Variants in KPNA7 observed in about 807,000 individuals in gnomAD.
KPNA7 encodes the protein karyopherin subunit alpha 7.
KPNA7 carries 54 observed loss-of-function variants against 53.7 expected under a neutral mutation model. The observed-to-expected ratio is 1.01, with a 90% CI of 0.81 to 1.26. KPNA7 has a LOEUF of 1.26. Ranked by LOEUF, KPNA7 falls within the 50% of genes most tolerant of loss-of-function variation. The probability of loss-of-function intolerance (pLI) is 0.00; values close to 1 mark genes in which losing one functional copy is unlikely to be tolerated. For synonymous variants in KPNA7, 276 were observed against 259.3 expected (o/e 1.06, Z -0.62); for missense variants, 640 against 644.5 (o/e 0.99, Z 0.07).
chr7:99,207,613 C>CCT (rs1790883642), intron 1 of KPNA7, 124 bp from the exon 2 acceptor site: 1 of 118,210 alleles, frequency 8.5e-6, no homozygotes, highest in African/African-American at 6.5e-5. Context: ...AGGAAGCTAG[C>CCT]TTTTTTTTTT....
rs772881468 is a variant in KPNA7 at position 99,192,986 on chromosome 7, A to T, written c.636+33T>A. ...AAGATTATTTTAAAATTTTAATTTA[A>T]AAAAAAAAAAAGAGAAAGAAAAAGA... On this transcript the variant is annotated intron_variant, in intron 6 of 10. Coordinates refer to ENST00000327442, the MANE Select transcript of KPNA7 (RefSeq NM_001145715.3). 1.2e-5 allele frequency: 14 copies of T among 1,155,952 alleles called. No homozygotes were observed. In the African/African-American group the frequency reaches 2.6e-4, roughly 21 times the overall value. 71.6% of individuals were successfully genotyped at this position (1,155,952 alleles called of 1,614,324 possible). A position where few individuals can be genotyped will look rare whatever the true frequency, so the allele number is the denominator to read the frequency against.
At chr7:99,199,065 G>GAAAAAAAA (rs67877761) in intron 3 of KPNA7, among the ~76,000 whole-genome samples, 37 of 61,024 alleles carry the variant, frequency 6.1e-4, no homozygotes, top group African/African-American at 8.1e-4. Flanking sequence ...GCTGCAAACT[G>GAAAAAAAA]AAAAAAAAAA....
At chr7:99,199,586 T>C (rs1330651771) in intron 3 of KPNA7, among the ~76,000 whole-genome samples, 1 of 152,164 alleles carries the variant, frequency 6.6e-6, no homozygotes, top group Non-Finnish European at 1.5e-5. Context: ...TTTACAAAAA[T>C]TAACTCCAAA....
chr7:99,213,836 T>C (rs1031112509), intron 1 of KPNA7, among the ~76,000 whole-genome samples: 6 of 152,090 alleles, frequency 3.9e-5, no homozygotes, highest in Admixed American at 3.9e-4. Flanking sequence ...CTTGAACTCC[T>C]GACCTCAAGT....
At chr7:99,195,378 G>A in intron 4 of KPNA7, 40 bp from the exon 5 acceptor site, 1 of 1,537,394 alleles carries the variant, frequency 6.5e-7, no homozygotes. Flanking sequence ...GGGAGGTCAA[G>A]TGAGAGAGGT....
chr7:99,204,848 C>T (rs1330068666), intron 2 of KPNA7, among the ~76,000 whole-genome samples: 11 of 151,824 alleles, frequency 7.2e-5, no homozygotes, highest in Middle Eastern at 3.4e-3. Context: ...AGAGCAAGAC[C>T]GTGTATCAAA....
chr7:99,174,086 C>T (rs928354380), intron 10 of KPNA7, among the ~76,000 whole-genome samples: 1 of 152,116 alleles, frequency 6.6e-6, no homozygotes, highest in Non-Finnish European at 1.5e-5. Flanking sequence ...AGCAGCAGGC[C>T]AGCAAGCGAA....
chr7:99,147,513 G>A, the KPNA7 span, among the ~76,000 whole-genome samples: 4 of 152,308 alleles, frequency 2.6e-5, no homozygotes, highest in African/African-American at 9.6e-5. Flanking sequence ...ATAAAAGTCC[G>A]GGCACAGTGG....
At chr7:99,198,326 G>A (rs1790333642) in intron 3 of KPNA7, among the ~76,000 whole-genome samples, 1 of 152,040 alleles carries the variant, frequency 6.6e-6, no homozygotes, top group Non-Finnish European at 1.5e-5. Flanking sequence ...GATATTACAA[G>A]AAAAGTATAA....
At chr7:99,183,994 CCCA>C (rs1221658813) in intron 8 of KPNA7, among the ~76,000 whole-genome samples, 7 of 151,554 alleles carry the variant, frequency 4.6e-5, no homozygotes, top group Admixed American at 4.6e-4. Context: ...ATTACAGGCA[CCCA>C]CCACCACACC....
chr7:99,185,081 T>C lies in KPNA7; in HGVS notation c.982A>G (p.Asn328Asp). 6.4e-7 allele frequency: 1 copy of C among 1,551,950 alleles called. No individual in the cohort carries two copies. The highest frequency in any genetic ancestry group is 8.7e-7 in the Non-Finnish European group (1 of 1,147,056). The change falls in exon 8 of 11, where the codon AAC becomes GAC. Residue 328 changes from asparagine (N) to aspartate (D), a missense_variant. By Grantham distance (23) the Asn-to-Asp change is conservative. Transcript: ENST00000327442. ...TGTTGCAGGAGCTGGGGGAGCACGTTCAGCATACCCGCATCAATGGCCATC... is the reference window on the plus strand; with the variant it reads ...TGTTGCAGGAGCTGGGGGAGCACGTCCAGCATACCCGCATCAATGGCCATC... ...TQMAIDAGMLNVLPQLLQHNK... is the reference protein window; with the variant it reads ...TQMAIDAGMLDVLPQLLQHNK...
chr7:99,190,188 T>G (rs1789860986), intron 6 of KPNA7, among the ~76,000 whole-genome samples: 1 of 151,834 alleles, frequency 6.6e-6, no homozygotes, highest in Non-Finnish European at 1.5e-5. Flanking sequence ...AACACAAAAA[T>G]TAGCCAGGCG....
the KPNA7 span, among the ~76,000 whole-genome samples, chr7:99,156,452 A>T: frequency 6.6e-6 from 1 of 151,978 alleles, no homozygotes; most frequent in Non-Finnish European, 1.5e-5. Flanking sequence ...CCAGGGATTG[A>T]TCTTTTATTT....
At chr7:99,215,042 A>C (rs1791179802) in intron 1 of KPNA7, among the ~76,000 whole-genome samples, 1 of 151,982 alleles carries the variant, frequency 6.6e-6, no homozygotes, top group South Asian at 2.1e-4. Flanking sequence ...GACCATTGCC[A>C]AGGGAACTGC....
chr7:99,179,854 G>A (rs989960105), intron 9 of KPNA7, among the ~76,000 whole-genome samples: 3 of 152,026 alleles, frequency 2.0e-5, no homozygotes, highest in African/African-American at 7.2e-5. Context: ...GATTACAGGT[G>A]TAAGCCACCA....
the KPNA7 span, among the ~76,000 whole-genome samples, chr7:99,157,774 T>A: frequency 6.6e-6 from 1 of 152,184 alleles, no homozygotes. Context: ...TTTTACACTC[T>A]AGATGTAACT....
chr7:99,205,369 G>A (rs1361505975), intron 2 of KPNA7, among the ~76,000 whole-genome samples: 13 of 130,624 alleles, frequency 1.0e-4, no homozygotes, highest in African/African-American at 3.6e-4. Flanking sequence ...CCAAGATCAC[G>A]CCATTGCACT....
At chr7:99,214,413 A>C (rs937784842) in intron 1 of KPNA7, among the ~76,000 whole-genome samples, 1 of 150,986 alleles carries the variant, frequency 6.6e-6, no homozygotes, top group Non-Finnish European at 1.5e-5. Context: ...ACTGCACTCC[A>C]GTCTGGGTGA....
intron 10 of KPNA7, among the ~76,000 whole-genome samples, chr7:99,175,073 A>G (rs1798849499): frequency 6.6e-6 from 1 of 151,996 alleles, no homozygotes; most frequent in African/African-American, 2.4e-5. Context: ...GGCCTCCCCC[A>G]AAGTGCTGGG....
Sources: allele counts gnomAD v4.1 joint callset (sites outside exome capture counted in the v4.1 genomes callset), GRCh38; gene constraint gnomAD v4.1.1; transcripts MANE v1.5; gene names NCBI Gene and HGNC (gene_info 2026-07-23, HGNC 2026-07-21).